Variants in CDKL3 observed in about 807,000 individuals in gnomAD.
The protein encoded by CDKL3 is cyclin-dependent kinase-like 3.
CDKL3 carries 65 observed loss-of-function variants against 69.3 expected under a neutral mutation model. The observed-to-expected ratio is 0.94, with a 90% CI of 0.77 to 1.15. The LOEUF (loss-of-function observed/expected upper bound fraction) is 1.15, where lower values mean the gene tolerates loss of function less well. CDKL3 is among the 50% of genes most tolerant of loss of function. The pLI is 0.00. For missense variants in CDKL3, 652 were observed against 689.2 expected (o/e 0.95, Z 0.61); for synonymous variants, 202 against 221.6 (o/e 0.91, Z 0.79).
intron 7 of CDKL3, among the ~76,000 whole-genome samples, chr5:134,310,586 C>T (rs973622452): frequency 2.0e-5 from 3 of 152,128 alleles, no homozygotes; most frequent in African/African-American, 7.2e-5. Flanking sequence ...CTCCTGGGTT[C>T]AAATGACTCT....
intron 10 of CDKL3, among the ~76,000 whole-genome samples, chr5:134,304,966 C>T (rs1445531661): frequency 1.3e-5 from 2 of 151,426 alleles, no homozygotes; most frequent in African/African-American, 2.4e-5. Flanking sequence ...TACCACCATG[C>T]CTGGTTAATT....
chr5:134,298,225 C>A, downstream of CDKL3: 1 of 982,170 alleles, frequency 1.0e-6, no homozygotes, highest in Non-Finnish European at 1.2e-6. Flanking sequence ...TGAGCCATTG[C>A]ACCCAGCCAT....
At chr5:134,337,121 C>T (rs1777319842) in intron 4 of CDKL3, among the ~76,000 whole-genome samples, 1 of 152,196 alleles carries the variant, frequency 6.6e-6, no homozygotes, top group Non-Finnish European at 1.5e-5. Flanking sequence ...GCACTAGCAG[C>T]AAGCAAGGCT....
At chr5:134,371,556 C>CTT (rs35950497), upstream of CDKL3, 17 of 1,333,580 alleles carry the variant, frequency 1.3e-5, no homozygotes, top group Middle Eastern at 2.2e-4. Flanking sequence ...CTGCGCGGGA[C>CTT]TTTTTTTTTT....
At chr5:134,288,384 C>A (rs1764971282) in intron 8 of CDKL3, among the ~76,000 whole-genome samples, 1 of 152,188 alleles carries the variant, frequency 6.6e-6, no homozygotes, top group Non-Finnish European at 1.5e-5. Context: ...AATTTTCTTC[C>A]AAACCACAAT....
chr5:134,304,635 T>C (rs755064377), intron 10 of CDKL3, 68 bp from the exon 11 acceptor site: 1 of 1,300,308 alleles, frequency 7.7e-7, no homozygotes, highest in Non-Finnish European at 1.1e-6. Flanking sequence ...AATCCTAGAA[T>C]TGCTAGCCAT....
chr5:134,359,765 C>T, intron 3 of CDKL3, 132 bp downstream of exon 3: 1 of 678,640 alleles, frequency 1.5e-6, no homozygotes, highest in Non-Finnish European at 2.4e-6. Flanking sequence ...ATTCCCTATC[C>T]CCATTTTCAG....
intron 8 of CDKL3, among the ~76,000 whole-genome samples, chr5:134,288,617 AT>A (rs1764983358): frequency 6.6e-6 from 1 of 152,206 alleles, no homozygotes; most frequent in Non-Finnish European, 1.5e-5. Context: ...TTAAGTCAGG[AT>A]AAACTCAGAT....
At chr5:134,364,026 C>T (rs1427928732) in intron 2 of CDKL3, among the ~76,000 whole-genome samples, 1 of 145,020 alleles carries the variant, frequency 6.9e-6, no homozygotes, top group African/African-American at 2.6e-5. Flanking sequence ...TATAGACTTA[C>T]AAAGAAAGAA....
intron 12 of CDKL3, chr5:134,299,580 G>A (rs551104265): frequency 4.1e-5 from 54 of 1,327,230 alleles, no homozygotes; most frequent in African/African-American, 4.0e-4. Flanking sequence ...CAGGATTTAC[G>A]ATATACCTGT....
chr5:134,348,866 A>T (rs1016418612), intron 4 of CDKL3, among the ~76,000 whole-genome samples: 3 of 152,166 alleles, frequency 2.0e-5, no homozygotes, highest in African/African-American at 7.2e-5. Context: ...CCTCATCACA[A>T]ACCTATGAAG....
chr5:134,324,244 G>A (rs1408574265), intron 4 of CDKL3, among the ~76,000 whole-genome samples: 9 of 152,222 alleles, frequency 5.9e-5, no homozygotes, highest in Non-Finnish European at 1.0e-4. Context: ...ATTGCTGGTA[G>A]AAACACAAAA....
intron 2 of CDKL3, among the ~76,000 whole-genome samples, chr5:134,364,657 A>G (rs1228157141): frequency 2.0e-5 from 3 of 149,758 alleles, no homozygotes; most frequent in Admixed American, 6.7e-5. Flanking sequence ...GATTACAGGC[A>G]TGCACTACCA....
intron 9 of CDKL3, among the ~76,000 whole-genome samples, chr5:134,307,227 C>T (rs568766622): frequency 5.9e-5 from 9 of 152,096 alleles, no homozygotes; most frequent in Non-Finnish European, 1.2e-4. Context: ...TGGTGACAGG[C>T]ATGTTGTGGG....
chr5:134,289,622 C>T (rs1001128875), intron 8 of CDKL3, among the ~76,000 whole-genome samples: 1 of 152,212 alleles, frequency 6.6e-6, no homozygotes, highest in Non-Finnish European at 1.5e-5. Context: ...AGCACCCCAT[C>T]TTCATACATT....
chr5:134,305,177 GC>G (rs1483323308), intron 10 of CDKL3, among the ~76,000 whole-genome samples: 2 of 151,750 alleles, frequency 1.3e-5, no homozygotes, highest in African/African-American at 4.8e-5. Flanking sequence ...ATACAGTGGC[GC>G]CATTACGGCT....
At chr5:134,298,146 C>T (rs1227316267), downstream of CDKL3, 1 of 504,588 alleles carries the variant, frequency 2.0e-6, no homozygotes, top group Non-Finnish European at 2.6e-6. Flanking sequence ...GTTGGTCAGG[C>T]TGGTTTCGAA....
chr5:134,340,413 T>A (rs553997399), intron 4 of CDKL3, among the ~76,000 whole-genome samples: 2 of 151,562 alleles, frequency 1.3e-5, no homozygotes, highest in South Asian at 4.2e-4. Context: ...ACAGAGAAAA[T>A]CAATGAAACC....
intron 8 of CDKL3, among the ~76,000 whole-genome samples, chr5:134,293,021 T>C (rs1392683678): frequency 7.5e-6 from 1 of 133,988 alleles, no homozygotes; most frequent in Non-Finnish European, 1.6e-5. Context: ...TTTTTTTTTT[T>C]TTTTTTTTTT....
Sources: gnomAD v4.1 joint callset for allele counts (sites outside exome capture counted in the v4.1 genomes callset) on GRCh38, gnomAD v4.1.1 for gene constraint, MANE v1.5 for transcripts, NCBI Gene and HGNC (gene_info 2026-07-23, HGNC 2026-07-21) for gene names.